TANC2: variants seen among roughly 807,000 people sequenced by gnomAD.
TANC2 encodes protein TANC2.
Under a neutral mutation model 210.5 loss-of-function variants are expected in TANC2, and 26 were observed. The observed-to-expected ratio is 0.12, with a 90% CI of 0.09 to 0.17. TANC2 has a LOEUF of 0.17. Among genes scored for constraint, TANC2 ranks in the 10% least tolerant of loss-of-function variants. The pLI, the probability that TANC2 is intolerant of heterozygous loss-of-function variation, is 1.00. For synonymous variants in TANC2, 931 were observed against 967.1 expected, an observed-to-expected ratio of 0.96 and a Z score of 0.69; for missense variants, 2,129 against 2,608.9, an observed-to-expected ratio of 0.82 and a Z score of 4.01.
At chr17:62,985,819 TTTAC>T (rs552643197) in intron 1 of TANC2, among the ~76,000 whole-genome samples, 11 of 152,176 alleles carry the variant, frequency 7.2e-5, no homozygotes, top group Non-Finnish European at 1.5e-4. Flanking sequence ...TCTTGCTGAG[TTTAC>T]TTAAGATTAT....
At chr17:63,203,751 G>A (rs1333579809) in intron 7 of TANC2, among the ~76,000 whole-genome samples, 1 of 152,074 alleles carries the variant, frequency 6.6e-6, no homozygotes, top group Non-Finnish European at 1.5e-5. Flanking sequence ...CATTCAAAGA[G>A]CAGGGAATTG....
intron 7 of TANC2, among the ~76,000 whole-genome samples, chr17:63,225,810 C>T (rs2042312738): frequency 6.6e-6 from 1 of 152,154 alleles, no homozygotes; most frequent in African/African-American, 2.4e-5. Flanking sequence ...TGCCTTCAAT[C>T]AGGTAATCCT....
intron 2 of TANC2, among the ~76,000 whole-genome samples, chr17:63,036,276 ATTG>A (rs2034968939): frequency 6.6e-6 from 1 of 151,828 alleles, no homozygotes; most frequent in Non-Finnish European, 1.5e-5. Flanking sequence ...TGTATGATTT[ATTG>A]TTTTTTATAT....
At chr17:63,395,661 C>A in intron 17 of TANC2, 82 bp from the exon 18 acceptor site, 1 of 1,294,982 alleles carries the variant, frequency 7.7e-7, no homozygotes. Context: ...GTAGCCTAGG[C>A]TTGTGCAGTG....
At position 63,400,046 on chromosome 17, in the gene TANC2, GGGAA is replaced by G. The variant is rs1481104605; in HGVS notation, c.3331+1137_3331+1140del. On this transcript the variant is annotated intron_variant, in intron 19 of 27. Coordinates refer to ENST00000689528, the Ensembl canonical transcript of TANC2. ...GAGGGAAGCCAGAGGACAGGCTGAG[GGGAA>G]GGAACTGGGCAGGACATCAGCCGCT... 4.6e-5 allele frequency among the ~76,000 whole-genome samples: 7 copies of G among 152,346 alleles called. No homozygotes were observed. In the East Asian group the frequency reaches 1.3e-3, roughly 29 times the overall value.
intron 15 of TANC2, 27 bp downstream of exon 15, chr17:63,379,853 T>C (rs756709193): frequency 1.3e-5 from 21 of 1,576,938 alleles, no homozygotes; most frequent in Non-Finnish European, 1.7e-5. Flanking sequence ...GAACCATTTT[T>C]CCGCCATCTC....
At chr17:63,293,453 G>C (rs2146434781) in intron 9 of TANC2, among the ~76,000 whole-genome samples, 1 of 152,306 alleles carries the variant, frequency 6.6e-6, no homozygotes, top group Middle Eastern at 3.4e-3. Flanking sequence ...ATAGAAGAAT[G>C]TGAGGAAATA....
chr17:63,371,034 C>T (rs748542612), intron 14 of TANC2, among the ~76,000 whole-genome samples: 8 of 152,192 alleles, frequency 5.3e-5, no homozygotes, highest in African/African-American at 2.4e-5. Flanking sequence ...CCACATTAGC[C>T]TCCGTAATAT....
intron 4 of TANC2, among the ~76,000 whole-genome samples, chr17:63,108,767 C>T (rs578108815): frequency 1.1e-4 from 16 of 151,378 alleles, no homozygotes; most frequent in South Asian, 8.3e-4. Flanking sequence ...CAAGATCATG[C>T]GGCTGCACTC....
At chr17:63,389,643 G>A in intron 17 of TANC2, 99 bp downstream of exon 17, 1 of 1,196,546 alleles carries the variant, frequency 8.4e-7, no homozygotes, top group Non-Finnish European at 1.2e-6. Flanking sequence ...TCTGGGTAGA[G>A]TATATCAAAC....
chr17:63,206,105 A>G (rs930702302), intron 7 of TANC2, among the ~76,000 whole-genome samples: 7 of 152,228 alleles, frequency 4.6e-5, no homozygotes, highest in East Asian at 1.9e-4. Flanking sequence ...AAGATATTCA[A>G]CATTACTAGT....
intron 1 of TANC2, among the ~76,000 whole-genome samples, chr17:62,996,247 A>G (rs1387090181): frequency 6.6e-6 from 1 of 152,078 alleles, no homozygotes; most frequent in East Asian, 1.9e-4. Flanking sequence ...CCTGAGAAGG[A>G]CTCCGTACTT....
intron 10 of TANC2, among the ~76,000 whole-genome samples, chr17:63,318,226 A>C (rs1176158354): frequency 6.6e-6 from 1 of 152,252 alleles, no homozygotes; most frequent in East Asian, 1.9e-4. Flanking sequence ...CTATTTTTAA[A>C]GTATGATCTT....
chr17:63,022,580 C>T (rs1454738923), intron 2 of TANC2, among the ~76,000 whole-genome samples: 1 of 152,166 alleles, frequency 6.6e-6, no homozygotes, highest in Non-Finnish European at 1.5e-5. Context: ...AAGAGTGTGA[C>T]CTGATGACCA....
intron 12 of TANC2, 141 bp downstream of exon 12, chr17:63,340,473 C>T: frequency 1.5e-6 from 1 of 680,814 alleles, no homozygotes; most frequent in Non-Finnish European, 2.4e-6. Flanking sequence ...ATACAGTTAA[C>T]AGACAAGAGA....
chr17:62,970,168 G>A (rs1395122162), intron 1 of TANC2, among the ~76,000 whole-genome samples: 1 of 152,022 alleles, frequency 6.6e-6, no homozygotes, highest in Non-Finnish European at 1.5e-5. Flanking sequence ...ATTGTGCTGC[G>A]AATTGCATAT....
chr17:63,272,655 G>C (rs979308155), intron 9 of TANC2, among the ~76,000 whole-genome samples: 2 of 152,028 alleles, frequency 1.3e-5, no homozygotes, highest in African/African-American at 2.4e-5. Flanking sequence ...AAGTTCTCCT[G>C]ATAGAGATAA....
chr17:63,014,403 A>G lies in TANC2; in HGVS notation c.67+4777A>G, dbSNP rs1264210704. 2.6e-5 allele frequency among the ~76,000 whole-genome samples: 4 copies of G among 152,144 alleles called. No homozygotes were observed. The East Asian group carries it at 7.7e-4, about 29-fold the overall frequency. ...ACTGTTTGCATTTTGCCCCTTGTAT[A>G]TAGGTCATACTTTCTTGTATCTTTG... is the stretch of plus-strand genomic sequence containing the variant. On this transcript the variant is annotated intron_variant, in intron 2 of 27. Coordinates refer to ENST00000689528, the Ensembl canonical transcript of TANC2.
chr17:63,134,596 T>C (rs553195015), intron 4 of TANC2, among the ~76,000 whole-genome samples: 6 of 152,224 alleles, frequency 3.9e-5, no homozygotes, highest in African/African-American at 1.4e-4. Context: ...CAAAGAAAAA[T>C]AAATACTAAT....
Sources: allele counts gnomAD v4.1 joint callset (sites outside exome capture counted in the v4.1 genomes callset), GRCh38; gene constraint gnomAD v4.1.1; transcripts MANE v1.5; gene names NCBI Gene and HGNC (gene_info 2026-07-23, HGNC 2026-07-21).